VTI1B: variants seen among roughly 807,000 people sequenced by gnomAD.
The protein encoded by VTI1B is vesicle transport through interaction with t-SNAREs 1B.
A neutral mutation model predicts 28.6 loss-of-function variants in VTI1B; 18 were observed. The ratio of observed to expected loss-of-function variants is 0.63; its 90% CI spans 0.43 to 0.93. VTI1B has a LOEUF of 0.93. Ranked by LOEUF, VTI1B falls within the 40% of genes least tolerant of loss-of-function variation. The pLI is 0.00. For missense variants in VTI1B, 283 were observed against 297.0 expected (o/e 0.95, Z 0.35); for synonymous variants, 100 against 107.9 (o/e 0.93, Z 0.46).
At chr14:67,661,022 T>C (rs73274575) in intron 2 of VTI1B, among the ~76,000 whole-genome samples, 4,272 of 152,168 alleles carry the variant, frequency 0.028, 216 homozygotes, top group African/African-American at 0.098. Flanking sequence ...GAGAAAAGGA[T>C]GCAGATGTGC....
At chr14:67,666,717 T>G (rs568223018) in intron 1 of VTI1B, among the ~76,000 whole-genome samples, 1 of 152,162 alleles carries the variant, frequency 6.6e-6, no homozygotes, top group Non-Finnish European at 1.5e-5. Context: ...CTGAGGACAC[T>G]AGACCCTGGA....
chr14:67,658,956 G>T (rs986038571), intron 3 of VTI1B, among the ~76,000 whole-genome samples: 8 of 152,148 alleles, frequency 5.3e-5, no homozygotes, highest in Admixed American at 6.6e-5. Context: ...GCACTGGTGG[G>T]CCCCTTTCCA....
rs541663334 is a variant in VTI1B, at chr14:67,665,070, T to C, written c.116-2535A>G. 1.4e-3 allele frequency among the ~76,000 whole-genome samples: 218 copies of C among 152,270 alleles called. 1 individual carries two copies. The highest frequency in any genetic ancestry group is 4.0e-3 in the Admixed American group (61 of 15,286). ...TTGGTAGAGAGGGGGTTTAACCATGTTGGCCAGGCTGGCCTTGTGTGGTCC... is the reference window on the plus strand; with the variant it reads ...TTGGTAGAGAGGGGGTTTAACCATGCTGGCCAGGCTGGCCTTGTGTGGTCC... On this transcript the variant is annotated intron_variant, in intron 1 of 5. Coordinates refer to ENST00000554659, the MANE Select transcript of VTI1B (RefSeq NM_006370.3).
At position 67,648,150 on chromosome 14, in the gene VTI1B, G is replaced by T. The variant is rs1199887158; in HGVS notation, c.*3235C>A. ...TGTCGGGGGACTAACCTATCGAGAA[G>T]GCATGTATATTGCTGAGGAAATACA... On this transcript the variant is annotated 3_prime_UTR_variant, in exon 6 of 6. Coordinates refer to ENST00000554659, the MANE Select transcript of VTI1B (RefSeq NM_006370.3). 6.2e-7 allele frequency: 1 copy of T among 1,614,020 alleles called. No homozygotes were observed. The highest frequency in any genetic ancestry group is 1.7e-5 in the Admixed American group (1 of 60,010).
At chr14:67,651,964 C>CTCCTATA (rs2037185948) in intron 5 of VTI1B, among the ~76,000 whole-genome samples, 1 of 152,172 alleles carries the variant, frequency 6.6e-6, no homozygotes, top group East Asian at 1.9e-4. Flanking sequence ...TAAAAATTTT[C>CTCCTATA]CTATCTGTTG....
intron 1 of VTI1B, 68 bp downstream of exon 1, chr14:67,674,307 G>T: frequency 7.2e-7 from 1 of 1,395,538 alleles, no homozygotes. Context: ...TGGGAGGAAG[G>T]TGGGAGAATC....
rs903913654 is a variant in VTI1B at position 67,650,268 on chromosome 14, G to A, written c.*1117C>T. 14 of 215,218 alleles carry A rather than the reference G, an allele frequency of 6.5e-5. No homozygotes were observed. The highest frequency in any genetic ancestry group is 3.0e-4 in the African/African-American group (13 of 43,098). 13.3% of individuals were successfully genotyped at this position (215,218 alleles called of 1,614,324 possible). On this transcript the variant is annotated 3_prime_UTR_variant, in exon 6 of 6. Coordinates refer to ENST00000554659, the MANE Select transcript of VTI1B (RefSeq NM_006370.3). ...AGATAACACATTAGAGTTCAAAAGT[G>A]GGAATGCAGTTTGGCTAGTGCAAGT...
rs368321057 is a variant in VTI1B, at chr14:67,672,889, C to T, written c.115+1486G>A. Among the ~76,000 whole-genome samples the T allele has an allele frequency of 3.9e-5, 6 of 152,340 alleles. No individual in the cohort carries two copies. In the East Asian group the frequency reaches 5.8e-4, roughly 15 times the overall value. On this transcript the variant is annotated intron_variant, in intron 1 of 5. Coordinates refer to ENST00000554659, the MANE Select transcript of VTI1B (RefSeq NM_006370.3). ...ACATGATCTGGCCCTGCTTATCGCTCTCCTTTGCTCACTCCATCCCAAACA... is the reference window on the plus strand; with the variant it reads ...ACATGATCTGGCCCTGCTTATCGCTTTCCTTTGCTCACTCCATCCCAAACA...
intron 1 of VTI1B, among the ~76,000 whole-genome samples, chr14:67,668,886 A>G (rs2037433601): frequency 6.6e-6 from 1 of 152,222 alleles, no homozygotes; most frequent in Non-Finnish European, 1.5e-5. Context: ...TGAAAGGAAG[A>G]CAAACAATAT....
intron 1 of VTI1B, among the ~76,000 whole-genome samples, chr14:67,665,259 C>CTTTTTT (rs574618223): frequency 7.9e-6 from 1 of 126,528 alleles, no homozygotes; most frequent in Non-Finnish European, 1.6e-5. Context: ...TCAGTTATAT[C>CTTTTTT]TTTTTTTTTT....
At chr14:67,660,561 C>G (rs1189272522) in intron 2 of VTI1B, among the ~76,000 whole-genome samples, 1 of 152,168 alleles carries the variant, frequency 6.6e-6, no homozygotes, top group Admixed American at 6.5e-5. Context: ...TGATAGGGGT[C>G]TGGCATCAGG....
At chr14:67,670,675 C>G (rs947723489) in intron 1 of VTI1B, among the ~76,000 whole-genome samples, 3 of 152,010 alleles carry the variant, frequency 2.0e-5, no homozygotes, top group Non-Finnish European at 4.4e-5. Flanking sequence ...ACTACAGGCA[C>G]ATGCCACCAC....
At position 67,656,990 on chromosome 14, in the gene VTI1B, G is replaced by C. The variant is rs368738142; in HGVS notation, c.367-401C>G. On this transcript the variant is annotated intron_variant, in intron 3 of 5. Transcript: ENST00000554659. ...AGCCTGTAACTTCGATAGTGCTATG[G>C]GCAAACCAACTAAACTCTGCAGCCC... 375 of 155,132 alleles carry C rather than the reference G, an allele frequency of 2.4e-3. 1 individual carries two copies. Among genetic ancestry groups the C allele is most frequent in the African/African-American group, 8.3e-3 (348 of 41,696 alleles). 9.6% of individuals were successfully genotyped at this position (155,132 alleles called of 1,614,324 possible). A position where few individuals can be genotyped will look rare whatever the true frequency, so the allele number is the denominator to read the frequency against.
In VTI1B at chr14:67,650,949, A is replaced by T. The variant is rs376794861; in HGVS notation, c.*436T>A. ...ACACTGTGCACTGACATGTTTCACA[A>T]CAGGCATTCCAGAATTATGAGGCAT... On this transcript the variant is annotated 3_prime_UTR_variant, in exon 6 of 6. Coordinates refer to ENST00000554659, the MANE Select transcript of VTI1B (RefSeq NM_006370.3). 3.7e-6 allele frequency: 6 copies of T among 1,601,940 alleles called. No homozygotes were observed. In the African/African-American group the frequency reaches 8.0e-5, roughly 21 times the overall value.
At chr14:67,670,027 C>A (rs2037447164) in intron 1 of VTI1B, among the ~76,000 whole-genome samples, 1 of 152,146 alleles carries the variant, frequency 6.6e-6, no homozygotes, top group Non-Finnish European at 1.5e-5. Flanking sequence ...CCCGGGAAGC[C>A]AAGGCTGCAG....
chr14:67,651,370 C>T lies in VTI1B; in HGVS notation c.*15G>A. 1 of 1,613,468 alleles carries T rather than the reference C, an allele frequency of 6.2e-7. No homozygotes were observed. Among genetic ancestry groups the T allele is most frequent in the Non-Finnish European group, 8.5e-7 (1 of 1,179,546 alleles). On this transcript the variant is annotated 3_prime_UTR_variant, in exon 6 of 6. Transcript: ENST00000554659. ...AGGTCAAAGTTCTGGTCCACAAACC[C>T]TTCCCTATAGAAGTTCAATGGCTGC...
At chr14:67,668,451 T>C (rs1195040516) in intron 1 of VTI1B, among the ~76,000 whole-genome samples, 2 of 152,254 alleles carry the variant, frequency 1.3e-5, no homozygotes, top group East Asian at 1.9e-4. Flanking sequence ...GAATGGAGAC[T>C]GTACTTTGGA....
In VTI1B at chr14:67,648,285, G is replaced by A. The variant is rs2037127480; in HGVS notation, c.*3100C>T. 7.5e-7 allele frequency: 1 copy of A among 1,333,000 alleles called. No homozygotes were observed. The highest frequency in any genetic ancestry group is 1.0e-6 in the Non-Finnish European group (1 of 988,882). The allele number at this position is 1,333,000 out of a possible 1,614,324, so 82.6% of individuals were successfully genotyped here. A position where few individuals can be genotyped will look rare whatever the true frequency, so the allele number is the denominator to read the frequency against. ...TTCTGCTATTCCACATCATTGCAGA[G>A]TTTGTTTTTGCTTAAACTTTTGTAG... On this transcript the variant is annotated 3_prime_UTR_variant, in exon 6 of 6. Transcript: ENST00000554659.
intron 1 of VTI1B, chr14:67,663,054 G>A: frequency 4.1e-6 from 6 of 1,457,340 alleles, no homozygotes; most frequent in South Asian, 2.9e-5. Flanking sequence ...GCTGTCTGGT[G>A]TGGTGCTTGT....
Sources: allele counts gnomAD v4.1 joint callset (sites outside exome capture counted in the v4.1 genomes callset), GRCh38; gene constraint gnomAD v4.1.1; transcripts MANE v1.5; gene names NCBI Gene and HGNC (gene_info 2026-07-23, HGNC 2026-07-21).